SMAD2: variants seen among roughly 807,000 people sequenced by gnomAD.
SMAD2 encodes SMAD family member 2, also known as MAD homolog 2.
SMAD2 carries 8 observed loss-of-function variants against 64.4 expected under a neutral mutation model. The observed-to-expected ratio is 0.12, with a 90% CI of 0.07 to 0.22. The LOEUF is 0.22. Among genes scored for constraint, SMAD2 ranks in the 10% least tolerant of loss-of-function variants. The probability of loss-of-function intolerance (pLI) is 1.00; values close to 1 mark genes in which losing one functional copy is unlikely to be tolerated. For synonymous variants in SMAD2, 203 were observed against 195.8 expected (o/e 1.04, Z -0.31); for missense variants, 289 against 561.2 (o/e 0.51, Z 4.90).
chr18:47,845,318 G>A (rs2144286966), intron 10 of SMAD2, 22 bp downstream of exon 10: 2 of 1,608,176 alleles, frequency 1.2e-6, no homozygotes, highest in Non-Finnish European at 1.7e-6. Flanking sequence ...GGAAATTTAA[G>A]AACCAAATAT....
intron 1 of SMAD2, among the ~76,000 whole-genome samples, chr18:47,918,536 T>A (rs2034425483): frequency 1.3e-5 from 2 of 152,104 alleles, no homozygotes; most frequent in African/African-American, 4.8e-5. Context: ...GCTTTTTAGA[T>A]CCCCACTTCT....
At chr18:47,929,436 G>A (rs961661166) in intron 1 of SMAD2, among the ~76,000 whole-genome samples, 11 of 152,162 alleles carry the variant, frequency 7.2e-5, no homozygotes, top group African/African-American at 2.4e-4. Context: ...CTAAAAAGAT[G>A]TAATTATTCC....
chr18:47,914,864 A>T (rs1409237597), intron 1 of SMAD2, among the ~76,000 whole-genome samples: 1 of 152,110 alleles, frequency 6.6e-6, no homozygotes, highest in Admixed American at 6.5e-5. Context: ...TAGGATTTTG[A>T]TTGGAAGTGC....
At position 47,830,428 on chromosome 18, in the gene SMAD2, G is replaced by C. The variant is rs1467324183; in HGVS notation, c.*11399C>G. On this transcript the variant is annotated 3_prime_UTR_variant, in exon 11 of 11. Transcript: ENST00000262160. Reference sequence around the variant, plus strand: ...CCTGTCTCCACTAAAAATACAAAAAGTAGTTGGGCGTGGTGGTGTGTGCCT... The same window carrying C: ...CCTGTCTCCACTAAAAATACAAAAACTAGTTGGGCGTGGTGGTGTGTGCCT... 1.3e-5 allele frequency: 2 copies of C among 151,714 alleles called. No individual in the cohort carries two copies. Among genetic ancestry groups the C allele is most frequent in the Non-Finnish European group, 2.9e-5 (2 of 67,902 alleles). 9.4% of individuals were successfully genotyped at this position (151,714 alleles called of 1,614,324 possible).
intron 2 of SMAD2, among the ~76,000 whole-genome samples, chr18:47,874,140 A>G (rs1043874634): frequency 4.6e-5 from 7 of 152,200 alleles, no homozygotes; most frequent in African/African-American, 1.4e-4. Context: ...TATTTGTTTT[A>G]TATCTATTAC....
chr18:47,915,029 G>C (rs1374495086), intron 1 of SMAD2, among the ~76,000 whole-genome samples: 1 of 151,944 alleles, frequency 6.6e-6, no homozygotes, highest in Non-Finnish European at 1.5e-5. Flanking sequence ...ATTTCTCCAG[G>C]TATCTTGGTT....
chr18:47,866,400 A>G (rs1384180511), intron 5 of SMAD2, among the ~76,000 whole-genome samples: 1 of 151,764 alleles, frequency 6.6e-6, no homozygotes, highest in Non-Finnish European at 1.5e-5. Flanking sequence ...ATATCTATTC[A>G]ATAAACTAAC....
At chr18:47,922,077 C>A (rs919782368) in intron 1 of SMAD2, among the ~76,000 whole-genome samples, 1 of 152,090 alleles carries the variant, frequency 6.6e-6, no homozygotes, top group Non-Finnish European at 1.5e-5. Context: ...AAGTTGAAGT[C>A]AAGAACAGAT....
At chr18:47,852,181 T>C (rs1185356094) in intron 6 of SMAD2, among the ~76,000 whole-genome samples, 1 of 152,216 alleles carries the variant, frequency 6.6e-6, no homozygotes, top group Non-Finnish European at 1.5e-5. Context: ...GCTCTTTATG[T>C]GTATTAGGGA....
At position 47,835,586 on chromosome 18, in the gene SMAD2, A is replaced by T. The variant is rs1411797501; in HGVS notation, c.*6241T>A. 5.1e-6 allele frequency: 1 copy of T among 194,760 alleles called. No homozygotes were observed. The allele number at this position is 194,760 out of a possible 1,614,324, so 12.1% of individuals were successfully genotyped here. ...TTGCTACAGACAAATGCTAAAAACC[A>T]GCTTTATAATAACAGCATTATAAAG... On this transcript the variant is annotated 3_prime_UTR_variant, in exon 11 of 11. Transcript: ENST00000262160.
At chr18:47,900,461 T>G (rs1467095740) in intron 1 of SMAD2, among the ~76,000 whole-genome samples, 1 of 152,174 alleles carries the variant, frequency 6.6e-6, no homozygotes, top group Non-Finnish European at 1.5e-5. Flanking sequence ...GTGACATTTT[T>G]CAATTCCTAT....
chr18:47,930,014 T>C (rs1027848286), intron 1 of SMAD2, among the ~76,000 whole-genome samples: 4 of 151,658 alleles, frequency 2.6e-5, no homozygotes, highest in Non-Finnish European at 5.9e-5. Flanking sequence ...AGGCAAAGTA[T>C]TACGCGTCCC....
chr18:47,855,221 C>T (rs1156483632), intron 6 of SMAD2, among the ~76,000 whole-genome samples: 1 of 152,184 alleles, frequency 6.6e-6, no homozygotes, highest in Non-Finnish European at 1.5e-5. Context: ...ACCTGTTGTA[C>T]ATTAATTGGA....
In SMAD2 at chr18:47,891,187, C is replaced by T. The variant is rs531284560; in HGVS notation, c.236+5334G>A. 2.7e-4 allele frequency among the ~76,000 whole-genome samples: 41 copies of T among 152,278 alleles called. No homozygotes were observed. The South Asian group carries it at 8.3e-3, about 31-fold the overall frequency. On this transcript the variant is annotated intron_variant, in intron 2 of 10. Transcript: ENST00000262160. Reference sequence around the variant, plus strand: ...AGGCATGGTGGCGCATGCCTATAATCCCAGCTACTTGGGAGGCTGAGGCAG... The same window carrying T: ...AGGCATGGTGGCGCATGCCTATAATTCCAGCTACTTGGGAGGCTGAGGCAG...
Position 47,824,800 on chromosome 18 carries a change from T to C in SMAD2, c.*17027A>G, listed in dbSNP as rs1354560529. ...CAAACACCAAACTTAAATAGACTAA[T>C]AACACAGATCTTCTGTGGTCCACAA... On this transcript the variant is annotated 3_prime_UTR_variant, in exon 11 of 11. Transcript: ENST00000262160. The C allele has an allele frequency of 6.6e-6, 1 of 152,204 alleles. No individual in the cohort carries two copies. The highest frequency in any genetic ancestry group is 1.5e-5 in the Non-Finnish European group (1 of 68,036). 9.4% of individuals were successfully genotyped at this position (152,204 alleles called of 1,614,324 possible). A position where few individuals can be genotyped will look rare whatever the true frequency, so the allele number is the denominator to read the frequency against.
intron 1 of SMAD2, among the ~76,000 whole-genome samples, chr18:47,913,173 G>C: frequency 6.6e-6 from 1 of 152,092 alleles, no homozygotes; most frequent in East Asian, 1.9e-4. Flanking sequence ...CATCCGCCTC[G>C]GCCTCCCAAA....
chr18:47,841,732 T>C lies in SMAD2; in HGVS notation c.*95A>G, dbSNP rs983771414. On this transcript the variant is annotated 3_prime_UTR_variant, in exon 11 of 11. Coordinates refer to ENST00000262160, the MANE Select transcript of SMAD2 (RefSeq NM_005901.6). ...TCAAGTGCTGTTTTCTCTCTTGAAC[T>C]TTTGGATAGTAAACAGTCCATAGGG... 6.8e-7 allele frequency: 1 copy of C among 1,465,336 alleles called. No individual in the cohort carries two copies. The highest frequency in any genetic ancestry group is 9.5e-7 in the Non-Finnish European group (1 of 1,050,014). 90.8% of individuals were successfully genotyped at this position (1,465,336 alleles called of 1,614,324 possible).
At chr18:47,849,003 T>C (rs1388875236) in intron 7 of SMAD2, among the ~76,000 whole-genome samples, 2 of 152,170 alleles carry the variant, frequency 1.3e-5, no homozygotes, top group Admixed American at 1.3e-4. Context: ...AAAACAATCA[T>C]AGGCAAAGTC....
In SMAD2 at chr18:47,896,641, T is replaced by C. The variant is rs1178643701; in HGVS notation, c.116A>G (p.Lys39Arg). The stretch of plus-strand genomic sequence containing the variant: ...ACTTTTCACTGCTTTCTCACACCAC[T>C]TTTCTTCCTGCCCATTCTGCTCTCC... ...GGGEQNGQEE[K>R]WCEKAVKSLV... Residue 39 changes from lysine to arginine, a missense_variant, in exon 2 of 11, where the codon AAG (lysine) becomes AGG (arginine). Around this residue, in one of 6 missense-constraint regions of SMAD2, gnomAD observed 89 missense variants for 137.1 expected, o/e 0.65. Transcript: ENST00000262160. The C allele has an allele frequency of 1.9e-6, 3 of 1,614,152 alleles. No homozygotes were observed.
Sources: gnomAD v4.1 joint callset for allele counts (sites outside exome capture counted in the v4.1 genomes callset) on GRCh38, gnomAD v4.1.1 for gene constraint, gnomAD v4.1.1 regional missense constraint, MANE v1.5 for transcripts, NCBI Gene and HGNC (gene_info 2026-07-23, HGNC 2026-07-21) for gene names.